The following DPP10 variants were observed in gnomAD, a reference collection of about 807,000 sequenced individuals.
The protein encoded by DPP10 is dipeptidyl peptidase like 10.
In DPP10, 33 loss-of-function variants were observed where a neutral mutation model predicts 120.9. The observed-to-expected ratio is 0.27, with a 90% confidence interval of 0.21 to 0.37. The LOEUF (loss-of-function observed/expected upper bound fraction) is 0.37. DPP10 is among the 10% of genes least tolerant of loss of function. The probability of loss-of-function intolerance (pLI) is 1.00; values close to 1 mark genes in which losing one functional copy is unlikely to be tolerated. For synonymous variants in DPP10, 337 were observed against 326.1 expected, an observed-to-expected ratio of 1.03 and a Z score of -0.36; for missense variants, 816 against 942.8, an observed-to-expected ratio of 0.87 and a Z score of 1.76.
intron 1 of DPP10, among the ~76,000 whole-genome samples, chr2:114,687,616 T>C (rs952477961): frequency 6.6e-6 from 1 of 151,928 alleles, no homozygotes; most frequent in Admixed American, 6.6e-5. Context: ...GAATCCTAGA[T>C]TGGATACTAA....
At chr2:115,176,275 A>T (rs1260546766) in intron 1 of DPP10, among the ~76,000 whole-genome samples, 1 of 147,650 alleles carries the variant, frequency 6.8e-6, no homozygotes, top group Non-Finnish European at 1.5e-5. Context: ...TATATTTTAT[A>T]AAAAATTTAA....
At chr2:114,594,278 C>A (rs1025235487) in intron 1 of DPP10, among the ~76,000 whole-genome samples, 22 of 151,942 alleles carry the variant, frequency 1.4e-4, no homozygotes, top group Non-Finnish European at 3.2e-4. Context: ...TTTTGAGACT[C>A]GGACTGGCTC....
intron 1 of DPP10, among the ~76,000 whole-genome samples, chr2:115,046,804 A>G (rs1208922941): frequency 2.0e-5 from 3 of 152,046 alleles, no homozygotes; most frequent in African/African-American, 7.2e-5. Flanking sequence ...AGTTCTTTTC[A>G]TTCTTTGCAG....
intron 24 of DPP10, among the ~76,000 whole-genome samples, chr2:115,837,848 A>C (rs1386284151): frequency 6.6e-6 from 1 of 152,242 alleles, no homozygotes; most frequent in East Asian, 1.9e-4. Flanking sequence ...AATCAAAAAA[A>C]AAAAAAGTCT....
intron 1 of DPP10, among the ~76,000 whole-genome samples, chr2:114,610,277 A>G (rs938653177): frequency 1.4e-4 from 21 of 152,128 alleles, no homozygotes; most frequent in African/African-American, 5.1e-4. Context: ...TGGGCATTAG[A>G]ATAATTTAGG....
chr2:114,963,721 C>G (rs958182762), intron 1 of DPP10, among the ~76,000 whole-genome samples: 41 of 152,144 alleles, frequency 2.7e-4, no homozygotes, highest in African/African-American at 9.9e-4. Context: ...CAGGACTGAC[C>G]CAAGGCTTGA....
At chr2:114,669,899 G>T (rs1698201328) in intron 1 of DPP10, among the ~76,000 whole-genome samples, 1 of 151,982 alleles carries the variant, frequency 6.6e-6, no homozygotes, top group Non-Finnish European at 1.5e-5. Context: ...TTTTTATGCA[G>T]CCAAAAGACA....
chr2:114,448,422 A>G (rs1678063243), intron 1 of DPP10, among the ~76,000 whole-genome samples: 1 of 152,214 alleles, frequency 6.6e-6, no homozygotes, highest in Non-Finnish European at 1.5e-5. Flanking sequence ...ACTCTCACTG[A>G]AAAGACATTA....
At chr2:115,206,057 T>C (rs1233233646) in intron 1 of DPP10, among the ~76,000 whole-genome samples, 1 of 152,132 alleles carries the variant, frequency 6.6e-6, no homozygotes, top group Non-Finnish European at 1.5e-5. Context: ...AGTAAGAATC[T>C]GAAAAGAGGA....
intron 1 of DPP10, among the ~76,000 whole-genome samples, chr2:114,783,282 C>A (rs1306235317): frequency 6.6e-6 from 1 of 151,900 alleles, no homozygotes; most frequent in South Asian, 2.1e-4. Context: ...AACCTAGAAA[C>A]AAATGATAAA....
chr2:115,802,779 C>T (rs1165545805), intron 19 of DPP10, among the ~76,000 whole-genome samples: 6 of 151,854 alleles, frequency 4.0e-5, no homozygotes, highest in Non-Finnish European at 8.8e-5. Context: ...AGTTTGATTG[C>T]ACTGTGGTCT....
At chr2:115,354,387 G>A (rs1194723860) in intron 3 of DPP10, among the ~76,000 whole-genome samples, 1 of 151,906 alleles carries the variant, frequency 6.6e-6, no homozygotes, top group African/African-American at 2.4e-5. Flanking sequence ...ATGTCTATGG[G>A]TACCCAATGT....
At chr2:114,755,120 A>G (rs1388169191) in intron 1 of DPP10, among the ~76,000 whole-genome samples, 1 of 152,226 alleles carries the variant, frequency 6.6e-6, no homozygotes, top group Non-Finnish European at 1.5e-5. Context: ...TGAAGTGGTA[A>G]GCTGTTTAAA....
intron 1 of DPP10, among the ~76,000 whole-genome samples, chr2:114,772,759 C>T (rs1395080789): frequency 2.6e-5 from 4 of 151,840 alleles, no homozygotes; most frequent in Non-Finnish European, 5.9e-5. Flanking sequence ...GGTGGCTAAC[C>T]ATGAATTGTT....
chr2:114,923,410 C>T (rs531256972), intron 1 of DPP10, among the ~76,000 whole-genome samples: 3 of 151,200 alleles, frequency 2.0e-5, no homozygotes, highest in Admixed American at 2.0e-4. Flanking sequence ...TCTCTATCTC[C>T]TGCCTCAACC....
Position 115,290,106 on chromosome 2 carries a change from G to T in DPP10, c.61-19133G>T, listed in dbSNP as rs566188627. ...GTTTGCAAACTATACATCCAACAAA[G>T]GACTAATATCTAGAATCTACAAGGA... is the stretch of plus-strand genomic sequence containing the variant. On this transcript the variant is annotated intron_variant, in intron 1 of 25. Transcript: ENST00000410059. Among the ~76,000 whole-genome samples, 8 of 152,032 alleles carry T rather than the reference G, an allele frequency of 5.3e-5. 1 individual carries two copies. Among genetic ancestry groups the T allele is most frequent in the African/African-American group, 1.9e-4 (8 of 41,494 alleles).
chr2:115,720,474 A>G (rs1432310838), intron 7 of DPP10, among the ~76,000 whole-genome samples: 1 of 152,150 alleles, frequency 6.6e-6, no homozygotes, highest in Non-Finnish European at 1.5e-5. Flanking sequence ...AAAAATTTAT[A>G]TTTATTAAAC....
intron 1 of DPP10, among the ~76,000 whole-genome samples, chr2:115,007,132 G>A (rs978189804): frequency 2.6e-5 from 4 of 152,006 alleles, no homozygotes; most frequent in African/African-American, 4.8e-5. Flanking sequence ...GGTACATAAC[G>A]AAATGAAGGC....
At chr2:114,789,174 G>A (rs76529015) in intron 1 of DPP10, among the ~76,000 whole-genome samples, 4,570 of 86,174 alleles carry the variant, frequency 0.053, 102 homozygotes, top group South Asian at 0.14. Flanking sequence ...CACTGGGATA[G>A]TTTTTCTGAA....
Sources: allele counts gnomAD v4.1 joint callset (sites outside exome capture counted in the v4.1 genomes callset), GRCh38; gene constraint gnomAD v4.1.1; transcripts MANE v1.5; gene names NCBI Gene and HGNC (gene_info 2026-07-23, HGNC 2026-07-21).